Variants in ESR1 observed in about 807,000 individuals in gnomAD.
The protein encoded by ESR1 is estrogen receptor 1.
A neutral mutation model predicts 52.7 loss-of-function variants in ESR1; 12 were observed. The ratio of observed to expected loss-of-function variants is 0.23; its 90% CI spans 0.15 to 0.37. The LOEUF is 0.37. ESR1 is among the 10% of genes least tolerant of loss of function. The probability of loss-of-function intolerance (pLI) is 1.00; values close to 1 mark genes in which losing one functional copy is unlikely to be tolerated. For missense variants in ESR1, 584 were observed against 779.7 expected (o/e 0.75, Z 2.99); for synonymous variants, 305 against 316.8 (o/e 0.96, Z 0.39).
rs10624912 is a variant in ESR1 at position 151,736,375 on chromosome 6, G to GTTTTTTTTTT, written c.-71+34376_-71+34385dup. Among the ~76,000 whole-genome samples, 23 of 112,714 alleles carry GTTTTTTTTTT rather than the reference G, an allele frequency of 2.0e-4. 2 individuals are homozygous for GTTTTTTTTTT. The highest frequency in any genetic ancestry group is 8.8e-4 in the African/African-American group (23 of 26,170). The allele number at this position is 112,714 out of a possible 152,430, so 73.9% of individuals were successfully genotyped here. ...AAATACTTACTGTATTCCAGGTAGTGTTTTTTTTTTTTTTTGAGATGGAGT... is the reference window on the plus strand; with the variant it reads ...AAATACTTACTGTATTCCAGGTAGTGTTTTTTTTTTTTTTTTTTTTTTTTTGAGATGGAGT... On this transcript the variant is annotated intron_variant, in intron 2 of 2. Coordinates refer to the ESR1 transcript ENST00000404742.
chr6:152,128,156 A>C (rs919958828), exon 7 of ESR1: 1 of 152,236 alleles, frequency 6.6e-6, no homozygotes, highest in African/African-American at 2.4e-5. Context: ...AATGGCGATA[A>C]GGTTAGAAAA....
chr6:151,958,669 G>A (rs3020395), intron 4 of ESR1, among the ~76,000 whole-genome samples: 116,101 of 152,136 alleles, frequency 0.76, 44,682 homozygotes, highest in Middle Eastern at 0.86. Flanking sequence ...CTAAAAATGT[G>A]TGTTATAGAT....
At chr6:152,046,620 A>G (rs2046249627) in intron 5 of ESR1, among the ~76,000 whole-genome samples, 1 of 152,224 alleles carries the variant, frequency 6.6e-6, no homozygotes, top group African/African-American at 2.4e-5. Flanking sequence ...GTAAAAGAAG[A>G]CAAAATAAGA....
chr6:151,976,332 A>G (rs1175005421), intron 4 of ESR1, among the ~76,000 whole-genome samples: 1 of 152,122 alleles, frequency 6.6e-6, no homozygotes, highest in Non-Finnish European at 1.5e-5. Flanking sequence ...GCTGAGTTCA[A>G]CTACTATCCA....
chr6:151,861,167 G>A (rs918040186), intron 2 of ESR1, among the ~76,000 whole-genome samples: 2 of 152,060 alleles, frequency 1.3e-5, no homozygotes, highest in Non-Finnish European at 2.9e-5. Context: ...TCATGGCTGG[G>A]TAAGTCTGCA....
rs1158725017 is a variant in ESR1 at position 151,849,899 on chromosome 6, G to T, written c.643+7112G>T. On this transcript the variant is annotated intron_variant, in intron 2 of 7. Transcript: ENST00000206249. ...TTTGCTCCTCAGCTCTCTAAAGTGG[G>T]CATTCTCTAGGGTCCTGTCTTCAAT... 4.1e-5 allele frequency among the ~76,000 whole-genome samples: 6 copies of T among 147,096 alleles called. No individual in the cohort carries two copies. The Admixed American group carries it at 4.2e-4, about 10-fold the overall frequency.
intron 2 of ESR1, among the ~76,000 whole-genome samples, chr6:151,852,515 A>G (rs892979842): frequency 3.9e-5 from 6 of 152,222 alleles, no homozygotes; most frequent in African/African-American, 7.2e-5. Context: ...GGCCAAATGC[A>G]GCTCTCTGGG....
chr6:151,813,699 T>C (rs1439405899), intron 1 of ESR1, among the ~76,000 whole-genome samples: 1 of 152,216 alleles, frequency 6.6e-6, no homozygotes, highest in East Asian at 1.9e-4. Context: ...ATTAGTTTGT[T>C]CTTATAATAT....
At chr6:151,904,923 C>T (rs555258555) in intron 3 of ESR1, among the ~76,000 whole-genome samples, 2 of 152,278 alleles carry the variant, frequency 1.3e-5, no homozygotes, top group African/African-American at 4.8e-5. Flanking sequence ...CTTGCCCTTG[C>T]ACCCACTGAG....
rs140628602 is a variant in ESR1, at chr6:151,789,114, A to G, written c.-70-18729A>G. On this transcript the variant is annotated intron_variant, in intron 2 of 2. Coordinates refer to the ESR1 transcript ENST00000404742. ...ACCCCTGAACTTAAAATAAAAGTTAAAAAAAAACCCCAAAAGGTGAAGTGT... is the reference window on the plus strand; with the variant it reads ...ACCCCTGAACTTAAAATAAAAGTTAGAAAAAAACCCCAAAAGGTGAAGTGT... Among the ~76,000 whole-genome samples, 286 of 152,130 alleles carry G rather than the reference A, an allele frequency of 1.9e-3. 1 individual carries two copies. Among genetic ancestry groups the G allele is most frequent in the Non-Finnish European group, 3.4e-3 (230 of 67,992 alleles).
At chr6:151,711,411 C>T (rs1438414364) in intron 2 of ESR1, among the ~76,000 whole-genome samples, 14 of 151,936 alleles carry the variant, frequency 9.2e-5, no homozygotes, top group East Asian at 3.9e-4. Context: ...TTAGTAGAGA[C>T]GGGGTTTCAC....
intron 2 of ESR1, among the ~76,000 whole-genome samples, chr6:151,796,958 T>C (rs1776769819): frequency 1.3e-5 from 2 of 152,174 alleles, no homozygotes; most frequent in Non-Finnish European, 2.9e-5. Context: ...TACGTTGGGG[T>C]GATCCACTAC....
At chr6:151,766,660 G>C (rs1358542917) in intron 2 of ESR1, among the ~76,000 whole-genome samples, 1 of 151,798 alleles carries the variant, frequency 6.6e-6, no homozygotes, top group African/African-American at 2.4e-5. Flanking sequence ...CTGTGATTTT[G>C]ACTTAAGAAA....
At chr6:151,763,754 C>T (rs1784833383) in intron 2 of ESR1, among the ~76,000 whole-genome samples, 1 of 152,298 alleles carries the variant, frequency 6.6e-6, no homozygotes, top group Admixed American at 6.5e-5. Flanking sequence ...TCAACATTCA[C>T]TCACAAGTTC....
intron 4 of ESR1, among the ~76,000 whole-genome samples, chr6:151,951,607 G>A (rs1189889964): frequency 6.6e-6 from 1 of 152,074 alleles, no homozygotes; most frequent in African/African-American, 2.4e-5. Context: ...CTGATAAGAG[G>A]TAATCAGGTG....
chr6:152,057,101 C>T (rs539981716), intron 5 of ESR1, among the ~76,000 whole-genome samples: 1 of 152,256 alleles, frequency 6.6e-6, no homozygotes, highest in African/African-American at 2.4e-5. Flanking sequence ...GCCCTGACCA[C>T]AATGCATAAT....
chr6:151,808,947 C>G (rs1045794409), intron 1 of ESR1, among the ~76,000 whole-genome samples: 2 of 152,300 alleles, frequency 1.3e-5, no homozygotes, highest in Non-Finnish European at 2.9e-5. Flanking sequence ...CCCCACCCCA[C>G]GTCCTGGGGC....
chr6:151,710,838 A>G (rs1780548564), intron 2 of ESR1, among the ~76,000 whole-genome samples: 1 of 151,908 alleles, frequency 6.6e-6, no homozygotes, highest in South Asian at 2.1e-4. Context: ...GCTGAGAATG[A>G]TGATTGCCAG....
chr6:151,880,586 T>G, intron 2 of ESR1, 69 bp from the exon 3 acceptor site: 1 of 947,384 alleles, frequency 1.1e-6, no homozygotes, highest in East Asian at 2.4e-5. Flanking sequence ...CTCCAAAAGG[T>G]TTCCCTGTAG....
Sources: allele counts gnomAD v4.1 joint callset (sites outside exome capture counted in the v4.1 genomes callset), GRCh38; gene constraint gnomAD v4.1.1; transcripts MANE v1.5; gene names NCBI Gene and HGNC (gene_info 2026-07-23, HGNC 2026-07-21).